NXNL2: variants seen among roughly 807,000 people sequenced by gnomAD.
NXNL2 encodes the protein nucleoredoxin-like protein 2.
A neutral mutation model predicts 11.1 loss-of-function variants in NXNL2; 7 were observed. That is an observed-to-expected ratio of 0.63 (90% confidence interval 0.36 to 1.18). The LOEUF is 1.18. Ranked by LOEUF, NXNL2 falls within the 50% of genes most tolerant of loss-of-function variation. The pLI is 0.02. For synonymous variants in NXNL2, 109 were observed against 101.8 expected (o/e 1.07, Z -0.42); for missense variants, 233 against 217.7 (o/e 1.07, Z -0.44).
chr9:88,535,642 G>T lies in NXNL2; in HGVS notation c.208G>T (p.Val70Leu). 6.2e-7 allele frequency: 1 copy of T among 1,608,902 alleles called. No individual in the cohort carries two copies. Among genetic ancestry groups the T allele is most frequent in the Non-Finnish European group, 8.5e-7 (1 of 1,179,418 alleles). The part of the protein sequence containing the change: ...RRPAPFEVVF[V>L]SADGSSQEML... ...GCCCGCGCCCTTCGAAGTGGTCTTC[G>T]TGTCAGCCGACGGCAGCTCCCAGGA... is the stretch of plus-strand genomic sequence containing the variant. The change falls in exon 1 of 2, where the codon GTG (valine) becomes TTG (leucine). Residue 70 changes from valine (V) to leucine (L), a missense_variant. Transcript: ENST00000375854.
At chr9:88,541,491 G>A (rs1385813001) in intron 1 of NXNL2, among the ~76,000 whole-genome samples, 1 of 152,070 alleles carries the variant, frequency 6.6e-6, no homozygotes, top group Non-Finnish European at 1.5e-5. Flanking sequence ...GAACTCTTGG[G>A]CTCAAGTGAT....
chr9:88,562,949 G>A (rs1344832462), intron 1 of NXNL2, among the ~76,000 whole-genome samples: 6 of 151,376 alleles, frequency 4.0e-5, no homozygotes, highest in Non-Finnish European at 8.8e-5. Flanking sequence ...TTAGCTGGGC[G>A]TGGTGGCACA....
chr9:88,545,533 A>C (rs551670350), downstream of NXNL2, among the ~76,000 whole-genome samples: 43 of 152,124 alleles, frequency 2.8e-4, no homozygotes, highest in Non-Finnish European at 5.0e-4. Context: ...TACTCAGTGA[A>C]CCTGTGCCAC....
downstream of NXNL2, among the ~76,000 whole-genome samples, chr9:88,547,336 C>T (rs542108216): frequency 4.6e-5 from 7 of 152,226 alleles, no homozygotes; most frequent in South Asian, 1.0e-3. Flanking sequence ...TGCAGGAGCG[C>T]GTGCAGACCT....
chr9:88,578,936 C>T (rs968998884), downstream of NXNL2, among the ~76,000 whole-genome samples: 49 of 152,190 alleles, frequency 3.2e-4, no homozygotes, highest in Non-Finnish European at 5.7e-4. Context: ...CGCTGGTGGG[C>T]GGCCTACATC....
chr9:88,578,795 G>C (rs1202389341), downstream of NXNL2, among the ~76,000 whole-genome samples: 1 of 152,242 alleles, frequency 6.6e-6, no homozygotes, highest in Non-Finnish European at 1.5e-5. Flanking sequence ...ATTGTCCACA[G>C]GCCTTTCTGA....
In NXNL2 at chr9:88,535,217, T is replaced by A; in HGVS notation, c.-218T>A. ...CGCTGTCGCCCAGGTATCTGGGGTC[T>A]CTGGTGTCTGAGTGTCTCATTGTCG... On this transcript the variant is annotated 5_prime_UTR_variant, in exon 1 of 2. Transcript: ENST00000375854. 1.8e-6 allele frequency: 1 copy of A among 553,412 alleles called. No homozygotes were observed. The highest frequency in any genetic ancestry group is 3.1e-6 in the Non-Finnish European group (1 of 318,560). 34.3% of individuals were successfully genotyped at this position (553,412 alleles called of 1,614,324 possible).
intron 1 of NXNL2, among the ~76,000 whole-genome samples, chr9:88,552,774 T>C (rs1309409288): frequency 6.6e-6 from 1 of 152,176 alleles, no homozygotes; most frequent in Non-Finnish European, 1.5e-5. Context: ...CGGTGAAACA[T>C]GCATTCTTAA....
intron 1 of NXNL2, among the ~76,000 whole-genome samples, chr9:88,553,534 A>T (rs1326374329): frequency 6.6e-6 from 1 of 152,022 alleles, no homozygotes; most frequent in Non-Finnish European, 1.5e-5. Context: ...TTGAATCTGC[A>T]TCGCTTTATT....
chr9:88,578,630 G>A (rs564639022), downstream of NXNL2, among the ~76,000 whole-genome samples: 1 of 152,214 alleles, frequency 6.6e-6, no homozygotes, highest in Non-Finnish European at 1.5e-5. Context: ...GCCAGGAGCC[G>A]CCGGCCCGGC....
At chr9:88,579,512 C>G (rs567717799), downstream of NXNL2, among the ~76,000 whole-genome samples, 4 of 152,280 alleles carry the variant, frequency 2.6e-5, no homozygotes, top group South Asian at 8.3e-4. Flanking sequence ...GGAGGTGGGG[C>G]TGGTTGTGAC....
chr9:88,552,473 G>GGTTTT (rs796387920), intron 1 of NXNL2, among the ~76,000 whole-genome samples: 1 of 131,566 alleles, frequency 7.6e-6, no homozygotes, highest in African/African-American at 2.8e-5. Flanking sequence ...AAACATGCAT[G>GGTTTT]TTTTTTTTTT....
chr9:88,537,470 C>A lies in NXNL2; in HGVS notation c.302+1734C>A, dbSNP rs377247873. ...CAGCTGTGTGCTCCTATCTTCTCAG[C>A]CTGGCTGGCCTGGGAGGGATTTTTC... is the stretch of plus-strand genomic sequence containing the variant. On this transcript the variant is annotated intron_variant, in intron 1 of 1. Coordinates refer to ENST00000375854, the MANE Select transcript of NXNL2 (RefSeq NM_001161625.2). Among the ~76,000 whole-genome samples, 149 of 152,336 alleles carry A rather than the reference C, an allele frequency of 9.8e-4. 1 individual carries two copies. Among genetic ancestry groups the A allele is most frequent in the African/African-American group, 3.5e-3 (144 of 41,578 alleles).
At chr9:88,553,767 A>T (rs1829975567) in intron 1 of NXNL2, among the ~76,000 whole-genome samples, 2 of 152,208 alleles carry the variant, frequency 1.3e-5, no homozygotes, top group Admixed American at 1.3e-4. Flanking sequence ...ATAAATCCTC[A>T]AGATTAAAGC....
intron 1 of NXNL2, among the ~76,000 whole-genome samples, chr9:88,568,738 T>A (rs933802691): frequency 4.6e-5 from 7 of 152,180 alleles, no homozygotes; most frequent in Non-Finnish European, 8.8e-5. Flanking sequence ...CATGTTTAGT[T>A]TTTCTGCAAT....
At chr9:88,571,071 CT>C (rs60872685) in intron 1 of NXNL2, 7,683 of 338,072 alleles carry the variant, frequency 0.023, no homozygotes, top group Middle Eastern at 0.027. Context: ...GCTTTCTTTT[CT>C]TTTTTTTTTT....
chr9:88,544,685 CA>C lies in NXNL2; in HGVS notation c.*143del. The C allele has an allele frequency of 2.1e-6, 3 of 1,413,918 alleles. No homozygotes were observed. The highest frequency in any genetic ancestry group is 2.8e-6 in the Non-Finnish European group (3 of 1,084,830). 87.6% of individuals were successfully genotyped at this position (1,413,918 alleles called of 1,614,324 possible). A position where few individuals can be genotyped will look rare whatever the true frequency, so the allele number is the denominator to read the frequency against. On this transcript the variant is annotated 3_prime_UTR_variant, in exon 2 of 2. Coordinates refer to ENST00000375854, the MANE Select transcript of NXNL2 (RefSeq NM_001161625.2). ...CAGAGCAGAAGCACTAAGCTGTGGTCAAAAAGCAACTATTGCTCAGGAAATA... is the reference window on the plus strand; with the variant it reads ...CAGAGCAGAAGCACTAAGCTGTGGTCAAAAGCAACTATTGCTCAGGAAATA...
At chr9:88,566,953 A>T (rs1014702073) in intron 1 of NXNL2, among the ~76,000 whole-genome samples, 2 of 149,838 alleles carry the variant, frequency 1.3e-5, no homozygotes, top group Admixed American at 1.3e-4. Flanking sequence ...TTTCTAATCT[A>T]TCATCTTTCT....
At chr9:88,557,080 CAAAAAAAAA>C (rs150400954) in intron 1 of NXNL2, among the ~76,000 whole-genome samples, 3 of 55,610 alleles carry the variant, frequency 5.4e-5, no homozygotes, top group South Asian at 1.5e-3. Flanking sequence ...GACTCCATCT[CAAAAAAAAA>C]AAAAAAAAAA....
Sources: allele counts gnomAD v4.1 joint callset (sites outside exome capture counted in the v4.1 genomes callset), GRCh38; gene constraint gnomAD v4.1.1; transcripts MANE v1.5; gene names NCBI Gene and HGNC (gene_info 2026-07-23, HGNC 2026-07-21).